The following PAX7 variants were observed in gnomAD, a reference collection of about 807,000 sequenced individuals.
PAX7 encodes the protein paired box 7.
A neutral mutation model predicts 50.7 loss-of-function variants in PAX7; 18 were observed. The ratio of observed to expected loss-of-function variants is 0.36; its 90% CI spans 0.25 to 0.53. The LOEUF (loss-of-function observed/expected upper bound fraction) is 0.53. Among genes scored for constraint, PAX7 ranks in the 20% least tolerant of loss-of-function variants. The probability of loss-of-function intolerance (pLI) is 0.93; values close to 1 mark genes in which losing one functional copy is unlikely to be tolerated. For missense variants in PAX7, 644 were observed against 702.9 expected (o/e 0.92, Z 0.95); for synonymous variants, 310 against 290.4 (o/e 1.07, Z -0.69).
chr1:18,638,577 G>A (rs2088198970), intron 4 of PAX7, among the ~76,000 whole-genome samples: 1 of 152,208 alleles, frequency 6.6e-6, no homozygotes, highest in Admixed American at 6.5e-5. Flanking sequence ...CGCTGATTGT[G>A]CTTTGAATGG....
At chr1:18,708,893 G>A (rs531817104) in intron 7 of PAX7, among the ~76,000 whole-genome samples, 15 of 152,176 alleles carry the variant, frequency 9.9e-5, no homozygotes, top group Non-Finnish European at 1.9e-4. Context: ...CAAGAGACAG[G>A]TGGGGAAGAC....
chr1:18,637,173 G>T (rs1456781936), intron 4 of PAX7, among the ~76,000 whole-genome samples: 1 of 152,164 alleles, frequency 6.6e-6, no homozygotes, highest in East Asian at 1.9e-4. Flanking sequence ...GTTTTCAAGC[G>T]CCCGGAAGCC....
chr1:18,686,295 A>C (rs566097916), intron 4 of PAX7, among the ~76,000 whole-genome samples: 1 of 152,258 alleles, frequency 6.6e-6, no homozygotes, highest in South Asian at 2.1e-4. Flanking sequence ...CTGACTAGAG[A>C]CAGGATCCAG....
At chr1:18,725,140 A>AG (rs566977283) in intron 7 of PAX7, among the ~76,000 whole-genome samples, 5 of 152,192 alleles carry the variant, frequency 3.3e-5, no homozygotes, top group Admixed American at 3.3e-4. Context: ...TGTTCCTGGG[A>AG]GGGGGCAAGC....
At chr1:18,699,337 G>A (rs1355829811) in intron 5 of PAX7, among the ~76,000 whole-genome samples, 4 of 152,128 alleles carry the variant, frequency 2.6e-5, no homozygotes, top group East Asian at 1.9e-4. Context: ...CCTTAGATGC[G>A]GCAATTAAGG....
chr1:18,703,367 G>A, intron 7 of PAX7, 71 bp downstream of exon 7: 3 of 1,395,992 alleles, frequency 2.1e-6, no homozygotes, highest in Non-Finnish European at 3.0e-6. Context: ...CAGCACGTGG[G>A]TGGAAGCCTT....
Position 18,637,514 on chromosome 1 carries a change from C to T in PAX7, c.586+1143C>T, listed in dbSNP as rs558943517. 2.0e-5 allele frequency among the ~76,000 whole-genome samples: 3 copies of T among 152,218 alleles called. No individual in the cohort carries two copies. The South Asian group carries it at 6.2e-4, about 31-fold the overall frequency. On this transcript the variant is annotated intron_variant, in intron 4 of 8. Coordinates refer to ENST00000420770, the MANE Select transcript of PAX7 (RefSeq NM_001135254.2). ...TGGCGAGTGCCCTGGAACCTGAAAG[C>T]TTGCAAAAAGCCAGTGTTGTTTCAG...
intron 4 of PAX7, among the ~76,000 whole-genome samples, chr1:18,664,621 G>A (rs915727015): frequency 2.0e-5 from 3 of 152,186 alleles, no homozygotes; most frequent in African/African-American, 7.2e-5. Flanking sequence ...GGGAAATCGA[G>A]AGGCTCAGAG....
At chr1:18,706,132 T>C (rs1344901919) in intron 7 of PAX7, among the ~76,000 whole-genome samples, 2 of 152,142 alleles carry the variant, frequency 1.3e-5, no homozygotes, top group East Asian at 1.9e-4. Context: ...CCCACTGCCC[T>C]CCCTCCTCAC....
intron 1 of PAX7, among the ~76,000 whole-genome samples, chr1:18,633,972 C>T (rs909925762): frequency 1.3e-5 from 2 of 152,194 alleles, no homozygotes; most frequent in African/African-American, 4.8e-5. Context: ...GTCTCATCTT[C>T]ATCTCTCTCC....
chr1:18,653,416 G>A (rs1377697881), intron 4 of PAX7, among the ~76,000 whole-genome samples: 1 of 152,156 alleles, frequency 6.6e-6, no homozygotes, highest in Non-Finnish European at 1.5e-5. Context: ...CAAATTTGGG[G>A]AGTTAGGAAG....
Position 18,735,899 on chromosome 1 carries a change from G to T in PAX7, c.1402+21G>T, listed in dbSNP as rs1216358133. On this transcript the variant is annotated intron_variant, in intron 8 of 8. Coordinates refer to ENST00000420770, the MANE Select transcript of PAX7 (RefSeq NM_001135254.2). The surrounding 1 kb of genome is among the most constrained non-coding windows in gnomAD (Gnocchi z 4.0). ...CCAGAGTGAGTGCCTGGTGCCCTGG[G>T]CGTCCCCCGTCCCCATTCCTTCTCC... 2.5e-6 allele frequency: 4 copies of T among 1,614,066 alleles called. No individual in the cohort carries two copies. The highest frequency in any genetic ancestry group is 3.4e-6 in the Non-Finnish European group (4 of 1,180,016).
At chr1:18,723,565 T>G (rs1162205697) in intron 7 of PAX7, among the ~76,000 whole-genome samples, 1 of 152,144 alleles carries the variant, frequency 6.6e-6, no homozygotes, top group Non-Finnish European at 1.5e-5. Context: ...TCTTTGTAGG[T>G]CAAGACCAGG....
intron 7 of PAX7, among the ~76,000 whole-genome samples, chr1:18,715,614 G>A (rs984844677): frequency 6.6e-6 from 1 of 152,160 alleles, no homozygotes; most frequent in South Asian, 2.1e-4. Flanking sequence ...GAATCCCAGT[G>A]CTTGGGCTCA....
intron 7 of PAX7, among the ~76,000 whole-genome samples, chr1:18,732,485 A>G (rs2089658280): frequency 6.6e-6 from 1 of 152,254 alleles, no homozygotes; most frequent in African/African-American, 2.4e-5. Context: ...GTCCAGCCCT[A>G]GCTCCAGACT....
rs745459804 is a variant in PAX7 at position 18,634,463 on chromosome 1, C to T, written c.246C>T (p.Cys82=). 8.7e-6 allele frequency: 14 copies of T among 1,614,066 alleles called. 1 individual carries two copies. The highest frequency in any genetic ancestry group is 3.3e-5 in the Admixed American group (2 of 60,008). ...ISRQLRVSHG[C]VSKILCRYQE... ...GACAGCTGCGTGTCTCCCACGGCTG[C>T]GTCTCCAAGATTCTTTGCCGCTACC... Residue 82 remains cysteine, a synonymous_variant, in exon 2 of 9, where the codon TGC becomes TGT. Coordinates refer to ENST00000420770, the MANE Select transcript of PAX7 (RefSeq NM_001135254.2). This position sits in a 1 kb window ranked among gnomAD's most constrained non-coding sequence, Gnocchi z 4.0.
At chr1:18,724,785 A>T (rs2089537657) in intron 7 of PAX7, among the ~76,000 whole-genome samples, 1 of 152,218 alleles carries the variant, frequency 6.6e-6, no homozygotes, top group Non-Finnish European at 1.5e-5. Flanking sequence ...ATTTTTCATT[A>T]TATTTCATAT....
chr1:18,734,937 G>A (rs1285102848), intron 7 of PAX7, among the ~76,000 whole-genome samples: 1 of 152,184 alleles, frequency 6.6e-6, no homozygotes, highest in African/African-American at 2.4e-5. Flanking sequence ...GCCTCCCCTG[G>A]TAGTCTGTGT....
At chr1:18,717,233 G>A (rs1181307824) in intron 7 of PAX7, among the ~76,000 whole-genome samples, 1 of 152,194 alleles carries the variant, frequency 6.6e-6, no homozygotes, top group Non-Finnish European at 1.5e-5. Flanking sequence ...CCGCGCGCCT[G>A]GCCGCCCCCC....
Sources: gnomAD v4.1 joint callset for allele counts (sites outside exome capture counted in the v4.1 genomes callset) on GRCh38, gnomAD v4.1.1 for gene constraint, Gnocchi (gnomAD v3.1) non-coding constraint, MANE v1.5 for transcripts, NCBI Gene and HGNC (gene_info 2026-07-23, HGNC 2026-07-21) for gene names.